Variants in BCORL1 observed in about 807,000 individuals in gnomAD.
BCORL1 encodes the protein BCL6 corepressor like 1.
In BCORL1, 7 loss-of-function variants were observed where a neutral mutation model predicts 87.6. That is an observed-to-expected ratio of 0.08 (90% CI 0.05 to 0.15). The LOEUF is 0.15. Ranked by LOEUF, BCORL1 falls within the 10% of genes least tolerant of loss-of-function variation. The pLI, the probability that BCORL1 is intolerant of heterozygous loss-of-function variation, is 1.00. For missense variants in BCORL1, 1,215 were observed against 1,499.7 expected (o/e 0.81, Z 3.13); for synonymous variants, 591 against 634.4 (o/e 0.93, Z 1.03).
At chrX:130,031,923 C>G (rs1047033571) in intron 8 of BCORL1, among the ~76,000 whole-genome samples, 1 of 111,185 alleles carries the variant, frequency 9.0e-6, no homozygotes, top group Admixed American at 9.6e-5. Flanking sequence ...GAGACTTACG[C>G]GTGAAACTCT....
rs1932372006 is a variant in BCORL1 at position 130,056,122 on chromosome X, T to C, written c.5344T>C (p.Ser1782Pro). 8.5e-7 allele frequency: 1 copy of C among 1,172,840 alleles called. No individual in the cohort carries two copies. The highest frequency in any genetic ancestry group is 1.1e-6 in the Non-Finnish European group (1 of 875,168). Residue 1782 changes from serine (S) to proline (P), a missense_variant, in exon 14 of 14, where the codon TCT (serine) becomes CCT (proline). Transcript: ENST00000540052. ...CCTAGGGTCCGAGGTGGAATTCCAG[T>C]CTTGCAACAGTTGACCGGGAAAACA... The part of the protein sequence containing the change: ...RLLGSEVEFQ[S>P]CNS
In BCORL1 at chrX:130,012,653, C is replaced by T; in HGVS notation, c.162C>T (p.Ser54=). 8.3e-7 allele frequency: 1 copy of T among 1,210,557 alleles called. No individual in the cohort carries two copies. The change falls in exon 3 of 14, where the codon AGC becomes AGT. Residue 54 remains serine (S), a synonymous_variant. Coordinates refer to ENST00000540052, the MANE Select transcript of BCORL1 (RefSeq NM_001379451.1). ...QHFGSQEFCV[S]SSFSKVELTA... Reference sequence around the variant, plus strand: ...TTGGATCTCAGGAGTTTTGTGTCAGCAGCAGTTTTTCCAAGGTAAGAGGCT... The same window carrying T: ...TTGGATCTCAGGAGTTTTGTGTCAGTAGCAGTTTTTCCAAGGTAAGAGGCT...
intron 1 of BCORL1, among the ~76,000 whole-genome samples, chrX:130,003,374 C>CTTCTTCTTCT (rs59660230): frequency 0.024 from 2,189 of 91,418 alleles, 97 homozygotes; most frequent in African/African-American, 0.086. Flanking sequence ...TCTTCTTCTT[C>CTTCTTCTTCT]TTTTTTTTTT....
At chrX:129,994,663 G>T (rs1372415409) in intron 1 of BCORL1, among the ~76,000 whole-genome samples, 2 of 111,731 alleles carry the variant, frequency 1.8e-5, no homozygotes, top group Non-Finnish European at 3.8e-5. Context: ...CTATGAAGGG[G>T]TCCATGCTAG....
At chrX:130,027,054 C>T (rs1199933740) in intron 7 of BCORL1, among the ~76,000 whole-genome samples, 1 of 113,334 alleles carries the variant, frequency 8.8e-6, no homozygotes, top group African/African-American at 3.2e-5. Context: ...ACACCTGCCA[C>T]CTCCGCTCTC....
chrX:130,004,608 AAGG>A (rs1216990927), intron 1 of BCORL1, among the ~76,000 whole-genome samples: 1 of 111,952 alleles, frequency 8.9e-6, no homozygotes, highest in African/African-American at 3.2e-5. Flanking sequence ...GTCAGCGTGC[AAGG>A]AGTACTGCAC....
intron 1 of BCORL1, among the ~76,000 whole-genome samples, chrX:130,001,101 TG>T (rs1472904846): frequency 9.0e-6 from 1 of 111,580 alleles, no homozygotes; most frequent in Non-Finnish European, 1.9e-5. Flanking sequence ...TTCTTTTTTT[TG>T]TTTTTGAGAT....
At chrX:130,028,534 G>A in intron 7 of BCORL1, 101 bp from the exon 8 acceptor site, 1 of 727,240 alleles carries the variant, frequency 1.4e-6, no homozygotes, top group Admixed American at 2.6e-5. Flanking sequence ...TTGCACTGCA[G>A]TTCTAATCCC....
In BCORL1 at chrX:130,014,661, G is replaced by T. The variant is rs143864671; in HGVS notation, c.1889G>T (p.Arg630Leu). 19 of 1,208,887 alleles carry T rather than the reference G, an allele frequency of 1.6e-5. No individual in the cohort carries two copies. The highest frequency in any genetic ancestry group is 3.5e-5 in the African/African-American group (2 of 56,837). Residue 630 changes from arginine to leucine, a missense_variant, in exon 4 of 14, where the codon CGC becomes CTC. Arg to Leu is a moderately radical substitution (Grantham distance 102). This residue lies in a region of BCORL1 where 861 missense variants were observed against 1,010.0 expected (regional missense o/e 0.85). Transcript: ENST00000540052. ...MPLDLSSKSN[R>L]QKLPLPNQRK... is the part of the protein sequence containing the mutation. ...CTTGATCTGTCCTCCAAGTCCAACC[G>T]CCAGAAGCTTCCATTGCCGAACCAG...
Position 130,051,867 on chromosome X carries a change from A to G in BCORL1, c.4926A>G (p.Lys1642=), listed in dbSNP as rs199625919. 5.9e-6 allele frequency: 7 copies of G among 1,194,429 alleles called. No individual in the cohort carries two copies. Among genetic ancestry groups the G allele is most frequent in the African/African-American group, 1.8e-5 (1 of 56,882 alleles). The part of the protein sequence containing the change: ...DFYSSSVLEE[K]DGFACDLLHN... Reference sequence around the variant, plus strand: ...TATATGCTCCCCTTACAGAGGAAAAAGACGGGTTTGCCTGTGACCTCCTAC... The same window carrying G: ...TATATGCTCCCCTTACAGAGGAAAAGGACGGGTTTGCCTGTGACCTCCTAC... The change falls in exon 13 of 14, where the codon AAA becomes AAG. Residue 1642 remains lysine, a synonymous_variant. Coordinates refer to ENST00000540052, the MANE Select transcript of BCORL1 (RefSeq NM_001379451.1).
At chrX:130,002,319 A>G (rs1928110918) in intron 1 of BCORL1, among the ~76,000 whole-genome samples, 2 of 109,799 alleles carry the variant, frequency 1.8e-5, no homozygotes, top group Non-Finnish European at 1.9e-5. Flanking sequence ...GGCTAGAGAT[A>G]CAGATTTGGG....
chrX:130,054,620 T>C (rs150757830), intron 13 of BCORL1, among the ~76,000 whole-genome samples: 1,368 of 110,738 alleles, frequency 0.012, 10 homozygotes, highest in Middle Eastern at 0.047. Flanking sequence ...TCATATAATA[T>C]CATGCTAGTG....
Position 130,028,619 on chromosome X carries a change from T to C in BCORL1, c.4079-16T>C. On this transcript the variant is annotated splice_polypyrimidine_tract_variant and intron_variant, in intron 7 of 13. Coordinates refer to ENST00000540052, the MANE Select transcript of BCORL1 (RefSeq NM_001379451.1). ...ATTTCTCTGACATCCGTTCTTTTCC[T>C]GTTTCTTGCCTTCAGATTTAAAGGC... 8.5e-7 allele frequency: 1 copy of C among 1,182,370 alleles called. No homozygotes were observed. The highest frequency in any genetic ancestry group is 1.1e-6 in the Non-Finnish European group (1 of 870,697).
intron 4 of BCORL1, among the ~76,000 whole-genome samples, chrX:130,016,987 A>G (rs185692899): frequency 2.9e-4 from 33 of 111,908 alleles, no homozygotes; most frequent in Non-Finnish European, 5.3e-4. Context: ...AATCTAGAAC[A>G]ACTTGAAGTT....
At chrX:130,018,076 T>C (rs1008575632) in intron 4 of BCORL1, among the ~76,000 whole-genome samples, 1 of 112,230 alleles carries the variant, frequency 8.9e-6, no homozygotes, top group Non-Finnish European at 1.9e-5. Context: ...AGGAGTATGC[T>C]CCCTGGAGCC....
At chrX:130,019,229 G>T (rs773976938) in intron 4 of BCORL1, among the ~76,000 whole-genome samples, 1 of 112,282 alleles carries the variant, frequency 8.9e-6, no homozygotes, top group African/African-American at 3.2e-5. Context: ...GCTTCCCGAG[G>T]TGCTGGGATT....
chrX:130,025,454 G>T (rs1751941193), intron 7 of BCORL1, 75 bp downstream of exon 7: 1 of 992,169 alleles, frequency 1.0e-6, no homozygotes, highest in African/African-American at 1.9e-5. Context: ...CTCTACGCCA[G>T]CCAAAGGCTT....
Position 130,012,624 on chromosome X carries a change from C to A in BCORL1, c.133C>A (p.His45Asn), listed in dbSNP as rs1156235161. Residue 45 changes from histidine (H) to asparagine (N), a missense_variant, in exon 3 of 14, where the codon CAC becomes AAC. Transcript: ENST00000540052. ...DEESTTGDCQ[H>N]FGSQEFCVSS... ...GGAGTCAACGACAGGCGACTGCCAG[C>A]ACTTTGGATCTCAGGAGTTTTGTGT... is the stretch of plus-strand genomic sequence containing the variant. 14 of 1,210,164 alleles carry A rather than the reference C, an allele frequency of 1.2e-5. No individual in the cohort carries two copies. The highest frequency in any genetic ancestry group is 1.6e-5 in the Non-Finnish European group (14 of 895,156).
intron 1 of BCORL1, among the ~76,000 whole-genome samples, chrX:129,988,229 T>G (rs1001532993): frequency 8.9e-6 from 1 of 111,926 alleles, no homozygotes; most frequent in Non-Finnish European, 1.9e-5. Flanking sequence ...CTTAAAATAA[T>G]GTAGAAATGG....
Sources: allele counts gnomAD v4.1 joint callset (sites outside exome capture counted in the v4.1 genomes callset), GRCh38; gene constraint gnomAD v4.1.1; regional missense constraint gnomAD v4.1.1; transcripts MANE v1.5; gene names NCBI Gene and HGNC (gene_info 2026-07-23, HGNC 2026-07-21).